Variants in PIGL observed in about 807,000 individuals in gnomAD.
PIGL encodes N-acetylglucosaminyl-phosphatidylinositol de-N-acetylase.
Under a neutral mutation model 31.1 loss-of-function variants are expected in PIGL, and 22 were observed. The observed-to-expected ratio is 0.71, with a 90% CI of 0.51 to 1.01. The LOEUF is 1.01. PIGL is among the 50% of genes least tolerant of loss of function. The pLI, the probability that PIGL is intolerant of heterozygous loss-of-function variation, is 0.00. For missense variants in PIGL, 302 were observed against 315.9 expected (o/e 0.96, Z 0.33); for synonymous variants, 131 against 117.4 (o/e 1.12, Z -0.75).
At chr17:16,313,483 A>T in intron 3 of PIGL, 64 bp from the exon 4 acceptor site, 3 of 1,149,276 alleles carry the variant, frequency 2.6e-6, no homozygotes, top group Non-Finnish European at 4.0e-6. Context: ...AGGGAAGGAG[A>T]CAGCTCCATT....
intron 3 of PIGL, among the ~76,000 whole-genome samples, chr17:16,301,727 A>C (rs1476008103): frequency 6.6e-6 from 1 of 151,500 alleles, no homozygotes; most frequent in Non-Finnish European, 1.5e-5. Context: ...GCCCACCACC[A>C]CACCCAGCTA....
chr17:16,257,451 A>C (rs1203546761), intron 2 of PIGL, among the ~76,000 whole-genome samples: 1 of 151,978 alleles, frequency 6.6e-6, no homozygotes. Flanking sequence ...AAAGAACACT[A>C]GTTGCCTCTG....
intron 1 of PIGL, among the ~76,000 whole-genome samples, chr17:16,226,890 A>T (rs1010344881): frequency 2.6e-5 from 4 of 152,228 alleles, no homozygotes; most frequent in Admixed American, 2.6e-4. Flanking sequence ...GCTCTGGGTC[A>T]GCCGCATAAT....
chr17:16,236,695 G>T (rs1600757111), intron 2 of PIGL, among the ~76,000 whole-genome samples: 1 of 152,128 alleles, frequency 6.6e-6, no homozygotes, highest in Middle Eastern at 3.4e-3. Context: ...AGCCTCCTGG[G>T]TAGCTGGGAT....
At chr17:16,245,504 GTA>G (rs34133338) in intron 2 of PIGL, among the ~76,000 whole-genome samples, 75,099 of 147,130 alleles carry the variant, frequency 0.51, 19,213 homozygotes, top group Middle Eastern at 0.57. Context: ...AAGCCAGGGA[GTA>G]TATATATATA....
intron 1 of PIGL, chr17:16,217,675 G>A (rs1415023587): frequency 3.6e-6 from 2 of 554,154 alleles, no homozygotes; most frequent in Non-Finnish European, 3.2e-6. Flanking sequence ...TACGCCAGCA[G>A]GATTGAGGAG....
intron 2 of PIGL, among the ~76,000 whole-genome samples, chr17:16,299,223 G>A (rs963161891): frequency 6.6e-6 from 1 of 151,598 alleles, no homozygotes; most frequent in East Asian, 2.0e-4. Context: ...GGAGGCCAAG[G>A]TTGGGCCAAT....
chr17:16,266,582 T>C (rs2092844131), intron 2 of PIGL, among the ~76,000 whole-genome samples: 1 of 151,742 alleles, frequency 6.6e-6, no homozygotes, highest in Non-Finnish European at 1.5e-5. Flanking sequence ...CAAGTGGAGC[T>C]GCTCAACAGA....
intron 3 of PIGL, among the ~76,000 whole-genome samples, chr17:16,311,403 A>G (rs1291807056): frequency 1.4e-5 from 2 of 143,580 alleles, no homozygotes; most frequent in Admixed American, 7.1e-5. Context: ...CAGACATGTT[A>G]TATAACTTGC....
At chr17:16,239,054 C>A (rs998416151) in intron 2 of PIGL, among the ~76,000 whole-genome samples, 1 of 151,180 alleles carries the variant, frequency 6.6e-6, no homozygotes, top group South Asian at 2.1e-4. Flanking sequence ...GAAAATTTAG[C>A]TAGGTGTGGT....
intron 2 of PIGL, among the ~76,000 whole-genome samples, chr17:16,264,594 A>ATCG (rs1395990772): frequency 3.3e-5 from 5 of 149,666 alleles, no homozygotes; most frequent in African/African-American, 1.3e-4. Flanking sequence ...TCCCAAACAC[A>ATCG]TCGTCATTAT....
intron 2 of PIGL, among the ~76,000 whole-genome samples, chr17:16,285,448 G>A (rs561450676): frequency 5.9e-5 from 9 of 152,298 alleles, no homozygotes; most frequent in Admixed American, 4.6e-4. Context: ...AGCCAGGCGC[G>A]GTGGCAGGTG....
At chr17:16,245,769 TACACACACACATATATATATATATAC>T (rs1191208180) in intron 2 of PIGL, among the ~76,000 whole-genome samples, 16 of 148,730 alleles carry the variant, frequency 1.1e-4, no homozygotes, top group African/African-American at 3.8e-4. Flanking sequence ...TATATATACA[TACACACACACATATATATATATATAC>T]ACACACACAC....
chr17:16,286,360 T>C (rs1382559675), intron 2 of PIGL, among the ~76,000 whole-genome samples: 4 of 152,172 alleles, frequency 2.6e-5, no homozygotes, highest in African/African-American at 7.2e-5. Flanking sequence ...CTGGGCTTGC[T>C]TAGCTGGGGA....
At chr17:16,251,074 G>A (rs942002321) in intron 2 of PIGL, among the ~76,000 whole-genome samples, 2 of 152,156 alleles carry the variant, frequency 1.3e-5, no homozygotes, top group Non-Finnish European at 2.9e-5. Flanking sequence ...AAAACAGAAA[G>A]GGAGATGGAA....
chr17:16,291,707 G>T (rs1396299873), intron 2 of PIGL, among the ~76,000 whole-genome samples: 1 of 150,730 alleles, frequency 6.6e-6, no homozygotes, highest in African/African-American at 2.4e-5. Context: ...CTCTACGAAA[G>T]TACAAAAATT....
chr17:16,268,960 T>C (rs2092857971), intron 2 of PIGL, among the ~76,000 whole-genome samples: 1 of 151,704 alleles, frequency 6.6e-6, no homozygotes, highest in Admixed American at 6.6e-5. Flanking sequence ...GACAGGGTTT[T>C]ACCATGTTGG....
At chr17:16,297,887 G>T (rs900974711) in intron 2 of PIGL, among the ~76,000 whole-genome samples, 3 of 152,220 alleles carry the variant, frequency 2.0e-5, no homozygotes, top group African/African-American at 7.2e-5. Flanking sequence ...TCCGTGGCCT[G>T]TTAGGAACCA....
chr17:16,250,757 T>C (rs2092767662), intron 2 of PIGL, among the ~76,000 whole-genome samples: 1 of 152,218 alleles, frequency 6.6e-6, no homozygotes, highest in Admixed American at 6.5e-5. Context: ...GTCTAATTAT[T>C]TTTCCCATCT....
Sources: gnomAD v4.1 joint callset for allele counts (sites outside exome capture counted in the v4.1 genomes callset) on GRCh38, gnomAD v4.1.1 for gene constraint, MANE v1.5 for transcripts, NCBI Gene and HGNC (gene_info 2026-07-23, HGNC 2026-07-21) for gene names.